The following ATG7 variants were observed in gnomAD, a reference collection of about 807,000 sequenced individuals.
ATG7 encodes ubiquitin-like modifier-activating enzyme ATG7.
A neutral mutation model predicts 82.4 loss-of-function variants in ATG7; 70 were observed. That is an observed-to-expected ratio of 0.85 (90% CI 0.70 to 1.04). ATG7 has a LOEUF of 1.04. Among genes scored for constraint, ATG7 ranks in the 50% least tolerant of loss-of-function variants. The pLI is 0.00. For synonymous variants in ATG7, 287 were observed against 313.0 expected, an observed-to-expected ratio of 0.92 and a Z score of 0.88; for missense variants, 792 against 864.3, an observed-to-expected ratio of 0.92 and a Z score of 1.05.
At chr3:11,501,017 A>G (rs543448265) in intron 20 of ATG7, among the ~76,000 whole-genome samples, 112 of 152,338 alleles carry the variant, frequency 7.4e-4, no homozygotes, top group African/African-American at 2.6e-3. Flanking sequence ...CACTTTGGGA[A>G]GCCAAGGTGC....
At chr3:11,382,390 C>T (rs2077974398) in intron 19 of ATG7, among the ~76,000 whole-genome samples, 1 of 152,206 alleles carries the variant, frequency 6.6e-6, no homozygotes. Context: ...AAAGTTGGAA[C>T]ATTTATCCAT....
At chr3:11,392,143 C>G (rs912743771) in intron 19 of ATG7, among the ~76,000 whole-genome samples, 1 of 152,124 alleles carries the variant, frequency 6.6e-6, no homozygotes, top group African/African-American at 2.4e-5. Context: ...AGAGCAACTT[C>G]TAGGTGTCCT....
chr3:11,537,594 G>A (rs780141609), intron 20 of ATG7, among the ~76,000 whole-genome samples: 19 of 152,182 alleles, frequency 1.2e-4, no homozygotes, highest in Non-Finnish European at 2.6e-4. Context: ...GTCACAATGA[G>A]AGTGATTATA....
chr3:11,457,532 C>A (rs1451056265), intron 20 of ATG7, among the ~76,000 whole-genome samples: 3 of 152,054 alleles, frequency 2.0e-5, no homozygotes, highest in Non-Finnish European at 4.4e-5. Context: ...TGTTCTGTAC[C>A]CAGGAGTTCA....
intron 9 of ATG7, among the ~76,000 whole-genome samples, chr3:11,327,192 A>G (rs1951005068): frequency 3.9e-5 from 6 of 152,242 alleles, no homozygotes; most frequent in Admixed American, 3.3e-4. Flanking sequence ...AGATGAATAC[A>G]GTGCTCTTGC....
intron 15 of ATG7, 140 bp from the exon 16 acceptor site, chr3:11,360,441 T>C (rs2076215162): frequency 8.6e-6 from 7 of 813,880 alleles, no homozygotes; most frequent in Non-Finnish European, 1.3e-5. Flanking sequence ...TGGGTAGATT[T>C]TATCATCATT....
At chr3:11,536,471 C>A (rs2070307277) in intron 20 of ATG7, among the ~76,000 whole-genome samples, 1 of 152,178 alleles carries the variant, frequency 6.6e-6, no homozygotes, top group Non-Finnish European at 1.5e-5. Context: ...TGGGACAGAG[C>A]CTGGATTTTG....
At chr3:11,539,573 C>T (rs1015835337) in intron 20 of ATG7, among the ~76,000 whole-genome samples, 1 of 152,166 alleles carries the variant, frequency 6.6e-6, no homozygotes, top group South Asian at 2.1e-4. Context: ...GGCCTGCTGG[C>T]GGGGGGTCGC....
At chr3:11,277,997 T>C (rs1209387538) in intron 1 of ATG7, among the ~76,000 whole-genome samples, 1 of 151,334 alleles carries the variant, frequency 6.6e-6, no homozygotes, top group South Asian at 2.1e-4. Context: ...GCACGTCTGT[T>C]TATAGGCTCT....
At chr3:11,573,245 GAGAAAGAAAGAAAGAAAGAAAGAAAGAA>G in the ATG7 span, among the ~76,000 whole-genome samples, 2 of 78,770 alleles carry the variant, frequency 2.5e-5, no homozygotes, top group Non-Finnish European at 2.2e-5. Flanking sequence ...AAAAGAAATA[GAGAAAGAAAGAAAGAAAGAAAGAAAGAA>G]AGAAAGAAAG....
intron 9 of ATG7, among the ~76,000 whole-genome samples, chr3:11,321,021 TC>T (rs919614946): frequency 1.6e-4 from 24 of 152,342 alleles, no homozygotes; most frequent in Non-Finnish European, 2.2e-4. Context: ...AGGTATATGA[TC>T]TGCATGGCTG....
intron 16 of ATG7, among the ~76,000 whole-genome samples, chr3:11,362,083 GT>G (rs1237709949): frequency 6.6e-6 from 1 of 152,216 alleles, no homozygotes; most frequent in Non-Finnish European, 1.5e-5. Flanking sequence ...AGCTGGTCTT[GT>G]TATTTAGTGA....
In ATG7 at chr3:11,556,242, G is replaced by GGGAAGAACTTCAC. The variant is rs2072394372; in HGVS notation, c.*1403_*1415dup. The stretch of plus-strand genomic sequence containing the variant: ...AGCGCACTGCAGGCAGCGCGGCTCT[G>GGGAAGAACTTCAC]GGAAGAACTTCACGGAGCCCCTTCT... On this transcript the variant is annotated 3_prime_UTR_variant, in exon 21 of 21. Transcript: ENST00000693202. 1 of 152,590 alleles carries GGGAAGAACTTCAC rather than the reference G, an allele frequency of 6.6e-6. No individual in the cohort carries two copies. Among genetic ancestry groups the GGGAAGAACTTCAC allele is most frequent in the South Asian group, 2.1e-4 (1 of 4,822 alleles). The allele number at this position is 152,590 out of a possible 1,614,324, so 9.5% of individuals were successfully genotyped here.
At chr3:11,333,124 A>G (rs758419710) in intron 11 of ATG7, 31 bp downstream of exon 11, 10 of 1,516,938 alleles carry the variant, frequency 6.6e-6, no homozygotes, top group Non-Finnish European at 4.4e-6. Context: ...AATGCATATA[A>G]TTATCATTTA....
chr3:11,520,554 C>T (rs1035952051), intron 20 of ATG7, among the ~76,000 whole-genome samples: 3 of 152,176 alleles, frequency 2.0e-5, no homozygotes, highest in Non-Finnish European at 2.9e-5. Context: ...AGATGCCGTG[C>T]TGGCCCTGGA....
chr3:11,376,905 A>AT (rs1373139947), intron 18 of ATG7, among the ~76,000 whole-genome samples: 1 of 151,814 alleles, frequency 6.6e-6, no homozygotes, highest in African/African-American at 2.4e-5. Context: ...CGCCCAGCTA[A>AT]TTTTTTTGTA....
chr3:11,294,792 A>T (rs983827430), intron 3 of ATG7, among the ~76,000 whole-genome samples: 3 of 152,088 alleles, frequency 2.0e-5, no homozygotes, highest in East Asian at 1.9e-4. Context: ...AGGAAGTGGG[A>T]GTGAGACCCA....
At chr3:11,419,095 T>G (rs1006741991) in intron 19 of ATG7, among the ~76,000 whole-genome samples, 27 of 152,198 alleles carry the variant, frequency 1.8e-4, no homozygotes, top group African/African-American at 6.3e-4. Flanking sequence ...CACTGAAGTT[T>G]TTGAGAAATA....
intron 20 of ATG7, among the ~76,000 whole-genome samples, chr3:11,471,791 G>A (rs369352712): frequency 2.5e-3 from 356 of 143,476 alleles, no homozygotes; most frequent in African/African-American, 9.0e-3. Flanking sequence ...CCAGGCTGGA[G>A]TGCAGTGGTA....
Sources: gnomAD v4.1 joint callset for allele counts (sites outside exome capture counted in the v4.1 genomes callset) on GRCh38, gnomAD v4.1.1 for gene constraint, MANE v1.5 for transcripts, NCBI Gene and HGNC (gene_info 2026-07-23, HGNC 2026-07-21) for gene names.